DLGAP2: variants seen among roughly 807,000 people sequenced by gnomAD.
DLGAP2 encodes the protein disks large-associated protein 2.
DLGAP2 carries 26 observed loss-of-function variants against 100.3 expected under a neutral mutation model. The observed-to-expected ratio is 0.26, with a 90% CI of 0.19 to 0.36. The LOEUF (loss-of-function observed/expected upper bound fraction) is 0.36, where lower values mean the gene tolerates loss of function less well. Among genes scored for constraint, DLGAP2 ranks in the 10% least tolerant of loss-of-function variants. The pLI, the probability that DLGAP2 is intolerant of heterozygous loss-of-function variation, is 1.00. For missense variants in DLGAP2, 1,858 were observed against 1,453.2 expected (o/e 1.28, Z -4.53); for synonymous variants, 886 against 630.1 (o/e 1.41, Z -6.08).
chr8:855,160 G>A lies in DLGAP2; in HGVS notation c.19-52752G>A, dbSNP rs182834500. Among the ~76,000 whole-genome samples, 250 of 152,280 alleles carry A rather than the reference G, an allele frequency of 1.6e-3. 3 individuals are homozygous for A. Among genetic ancestry groups the A allele is most frequent in the Admixed American group, 0.012 (180 of 15,292 alleles). On this transcript the variant is annotated intron_variant, in intron 1 of 14. Coordinates refer to ENST00000637795, the MANE Select transcript of DLGAP2 (RefSeq NM_001346810.2). ...TCGTGTGGGTGGCAGTTGAAAACGT[G>A]GGCACGAAGATTTTTAGGAGAAGAC...
chr8:1,289,356 GTT>G (rs1045241489), intron 3 of DLGAP2, among the ~76,000 whole-genome samples: 1 of 152,316 alleles, frequency 6.6e-6, no homozygotes, highest in African/African-American at 2.4e-5. Flanking sequence ...ACAAGTCCTG[GTT>G]TTTCAGTGGA....
At chr8:1,177,560 C>G (rs1374880399) in intron 2 of DLGAP2, among the ~76,000 whole-genome samples, 1 of 152,166 alleles carries the variant, frequency 6.6e-6, no homozygotes, top group South Asian at 2.1e-4. Flanking sequence ...TGTCTTTACT[C>G]TTAGATGACT....
intron 2 of DLGAP2, among the ~76,000 whole-genome samples, chr8:1,185,456 C>G (rs1342775526): frequency 1.3e-5 from 2 of 152,044 alleles, no homozygotes; most frequent in African/African-American, 4.8e-5. Context: ...GTTTAAGATG[C>G]AAGTAGGATG....
chr8:1,179,920 G>A (rs911070436), intron 2 of DLGAP2, among the ~76,000 whole-genome samples: 1 of 152,174 alleles, frequency 6.6e-6, no homozygotes, highest in Non-Finnish European at 1.5e-5. Flanking sequence ...CGAGTAGATG[G>A]GAAATTAAAC....
intron 3 of DLGAP2, among the ~76,000 whole-genome samples, chr8:1,305,663 A>G (rs1006810117): frequency 6.6e-6 from 1 of 152,180 alleles, no homozygotes; most frequent in African/African-American, 2.4e-5. Context: ...TACCATAAAC[A>G]CTGCAGGCCT....
chr8:1,351,202 A>G (rs867083559), intron 3 of DLGAP2, among the ~76,000 whole-genome samples: 2 of 16,288 alleles, frequency 1.2e-4, no homozygotes, highest in Non-Finnish European at 2.0e-4. Flanking sequence ...GTGTGGAAAC[A>G]CCGTGCGGGT....
chr8:1,588,440 C>CA (rs1292441934), intron 6 of DLGAP2, among the ~76,000 whole-genome samples: 12 of 152,146 alleles, frequency 7.9e-5, no homozygotes, highest in African/African-American at 2.9e-4. Flanking sequence ...TAATTCTCCC[C>CA]AATAGTAAAG....
chr8:738,503 G>A (rs1820382603), intron 1 of DLGAP2: 1 of 152,266 alleles, frequency 6.6e-6, no homozygotes, highest in Non-Finnish European at 1.5e-5. Context: ...GCTAAGCGAG[G>A]CGCTACCCAG....
intron 2 of DLGAP2, among the ~76,000 whole-genome samples, chr8:1,184,539 C>G (rs1797459040): frequency 6.6e-6 from 1 of 152,196 alleles, no homozygotes; most frequent in African/African-American, 2.4e-5. Context: ...GGGAAATCAT[C>G]ACTGCGAATT....
At chr8:1,690,085 G>A (rs907986924) in intron 12 of DLGAP2, among the ~76,000 whole-genome samples, 6 of 152,150 alleles carry the variant, frequency 3.9e-5, no homozygotes, top group Non-Finnish European at 7.3e-5. Flanking sequence ...GGCCGGGTGC[G>A]GTGGCTCACG....
Position 905,476 on chromosome 8 carries a change from C to T in DLGAP2, c.19-2436C>T, listed in dbSNP as rs145492251. ...CCCCCCCCACAGCCCTTTTTCAAAT[C>T]GAACAGAGACGGCATAAAACAGGCC... On this transcript the variant is annotated intron_variant, in intron 1 of 14. Transcript: ENST00000637795. Among the ~76,000 whole-genome samples, 335 of 152,178 alleles carry T rather than the reference C, an allele frequency of 2.2e-3. 2 individuals carry two copies. The highest frequency in any genetic ancestry group is 7.4e-3 in the African/African-American group (307 of 41,532).
At chr8:1,515,509 C>T (rs1042205569) in intron 4 of DLGAP2, among the ~76,000 whole-genome samples, 2 of 152,188 alleles carry the variant, frequency 1.3e-5, no homozygotes, top group African/African-American at 2.4e-5. Flanking sequence ...CACACACACA[C>T]ACAGGTGCAT....
intron 3 of DLGAP2, among the ~76,000 whole-genome samples, chr8:1,408,336 C>T (rs758976603): frequency 2.6e-4 from 40 of 152,342 alleles, no homozygotes; most frequent in African/African-American, 8.9e-4. Flanking sequence ...TTTCCCCTTC[C>T]CTCGGGGAGG....
chr8:880,468 G>A (rs544815918), intron 1 of DLGAP2, among the ~76,000 whole-genome samples: 7 of 152,058 alleles, frequency 4.6e-5, no homozygotes, highest in East Asian at 1.9e-4. Context: ...CCTTGCCTGC[G>A]ACATGGCATC....
chr8:1,362,920 T>C (rs1217434465), intron 3 of DLGAP2, among the ~76,000 whole-genome samples: 1 of 152,192 alleles, frequency 6.6e-6, no homozygotes, highest in Non-Finnish European at 1.5e-5. Context: ...TGTCTGTCTG[T>C]CCTGCTGGCT....
intron 2 of DLGAP2, among the ~76,000 whole-genome samples, chr8:1,100,076 C>G (rs568453836): frequency 1.3e-5 from 2 of 152,386 alleles, no homozygotes; most frequent in Admixed American, 6.5e-5. Flanking sequence ...CCATCCTGCT[C>G]TGCCCTGCCT....
chr8:1,039,972 TCGGCTCGG>T (rs1173199600), intron 2 of DLGAP2, among the ~76,000 whole-genome samples: 6 of 147,090 alleles, frequency 4.1e-5, no homozygotes, highest in Admixed American at 1.3e-4. Flanking sequence ...GTGTGCGTGG[TCGGCTCGG>T]TGTGCATGGT....
intron 3 of DLGAP2, among the ~76,000 whole-genome samples, chr8:1,271,529 A>T (rs1291264571): frequency 6.6e-6 from 1 of 152,238 alleles, no homozygotes; most frequent in Non-Finnish European, 1.5e-5. Flanking sequence ...CACGAACGAG[A>T]TAGTTGTACA....
intron 3 of DLGAP2, among the ~76,000 whole-genome samples, chr8:1,282,120 C>G (rs918516096): frequency 2.1e-5 from 3 of 139,814 alleles, no homozygotes; most frequent in African/African-American, 8.5e-5. Flanking sequence ...CTGAACCATC[C>G]GGACATGGTG....
Sources: gnomAD v4.1 joint callset for allele counts (sites outside exome capture counted in the v4.1 genomes callset) on GRCh38, gnomAD v4.1.1 for gene constraint, MANE v1.5 for transcripts, NCBI Gene and HGNC (gene_info 2026-07-23, HGNC 2026-07-21) for gene names.